Variants in C8A observed in about 807,000 individuals in gnomAD.
C8A encodes complement C8 alpha chain, also known as complement component C8 alpha chain.
In C8A, 67 loss-of-function variants were observed where a neutral mutation model predicts 65.3. The ratio of observed to expected loss-of-function variants is 1.03; its 90% CI spans 0.84 to 1.26. C8A has a LOEUF of 1.26. Among genes scored for constraint, C8A ranks in the 50% most tolerant of loss-of-function variants. The pLI, the probability that C8A is intolerant of heterozygous loss-of-function variation, is 0.00. For missense variants in C8A, 781 were observed against 723.9 expected, an observed-to-expected ratio of 1.08 and a Z score of -0.90; for synonymous variants, 290 against 259.4, an observed-to-expected ratio of 1.12 and a Z score of -1.13.
chr1:56,882,882 G>A (rs1644259163), intron 5 of C8A, among the ~76,000 whole-genome samples: 2 of 152,074 alleles, frequency 1.3e-5, no homozygotes. Context: ...CAGACACTCA[G>A]GGACTCAAGG....
At chr1:56,861,805 A>G (rs1644036404) in intron 1 of C8A, among the ~76,000 whole-genome samples, 1 of 152,206 alleles carries the variant, frequency 6.6e-6, no homozygotes, top group African/African-American at 2.4e-5. Context: ...AATTAGTGAT[A>G]ATCAGATTTT....
intron 2 of C8A, among the ~76,000 whole-genome samples, chr1:56,869,477 A>T (rs1255064727): frequency 6.6e-6 from 1 of 152,158 alleles, no homozygotes; most frequent in African/African-American, 2.4e-5. Flanking sequence ...GCTGCTATAA[A>T]CATGTATTAC....
chr1:56,864,959 G>C (rs1373257519), intron 1 of C8A, among the ~76,000 whole-genome samples: 1 of 152,016 alleles, frequency 6.6e-6, no homozygotes, highest in East Asian at 1.9e-4. Context: ...CTAGGGCCTT[G>C]GTCAAAATCA....
chr1:56,912,601 G>A lies in C8A; in HGVS notation c.1579G>A (p.Ala527Thr), dbSNP rs1413000006. The change falls in exon 10 of 11, where the codon GCC becomes ACC. Residue 527 changes from alanine to threonine, a missense_variant. Ala to Thr is a moderately conservative substitution (Grantham distance 58). Coordinates refer to ENST00000361249, the MANE Select transcript of C8A (RefSeq NM_000562.3). The part of the protein sequence containing the change: ...CQCRLGSLGA[A>T]CEQTQTEGAK... ...GTGCCGCCTGGGTAGCTTGGGTGCTGCCTGTGAGCAAACACAGACAGAAGG... is the reference window on the plus strand; with the variant it reads ...GTGCCGCCTGGGTAGCTTGGGTGCTACCTGTGAGCAAACACAGACAGAAGG... 2 of 1,614,170 alleles carry A rather than the reference G, an allele frequency of 1.2e-6. No individual in the cohort carries two copies. Among genetic ancestry groups the A allele is most frequent in the South Asian group, 2.2e-5 (2 of 91,084 alleles).
At chr1:56,855,703 C>T (rs568700430) in intron 1 of C8A, among the ~76,000 whole-genome samples, 2 of 150,948 alleles carry the variant, frequency 1.3e-5, no homozygotes, top group South Asian at 2.1e-4. Flanking sequence ...ATTTCACCTT[C>T]GGGATAGCTT....
chr1:56,899,908 A>C (rs1191610506), intron 7 of C8A, among the ~76,000 whole-genome samples: 1 of 152,200 alleles, frequency 6.6e-6, no homozygotes, highest in African/African-American at 2.4e-5. Context: ...AGAGAGGTTA[A>C]ACAATTTGCC....
At chr1:56,890,227 A>T (rs1375680667) in intron 7 of C8A, among the ~76,000 whole-genome samples, 1 of 152,078 alleles carries the variant, frequency 6.6e-6, no homozygotes, top group African/African-American at 2.4e-5. Flanking sequence ...CTGTCTTGCC[A>T]ACCTGACAAA....
chr1:56,856,253 C>T (rs1346587685), intron 1 of C8A, among the ~76,000 whole-genome samples: 2 of 152,130 alleles, frequency 1.3e-5, no homozygotes, highest in African/African-American at 4.8e-5. Context: ...CAAATTCTGG[C>T]ACTGACATTC....
intron 1 of C8A, among the ~76,000 whole-genome samples, chr1:56,860,006 G>C (rs1644016505): frequency 6.6e-6 from 1 of 152,154 alleles, no homozygotes; most frequent in African/African-American, 2.4e-5. Flanking sequence ...GAGGCTGCAG[G>C]GAGCCGAGAT....
At chr1:56,863,862 T>TCTCC (rs986953692) in intron 1 of C8A, among the ~76,000 whole-genome samples, 1 of 117,078 alleles carries the variant, frequency 8.5e-6, no homozygotes, top group Non-Finnish European at 1.7e-5. Flanking sequence ...TCCCACCCTC[T>TCTCC]CTCCCTCCCT....
At chr1:56,910,211 G>C (rs1041494712) in intron 9 of C8A, among the ~76,000 whole-genome samples, 7 of 152,316 alleles carry the variant, frequency 4.6e-5, no homozygotes, top group African/African-American at 1.7e-4. Context: ...TAGAGTTTGT[G>C]AATGTAGGAG....
At chr1:56,880,652 C>G (rs747846051) in intron 4 of C8A, among the ~76,000 whole-genome samples, 13 of 152,012 alleles carry the variant, frequency 8.6e-5, no homozygotes, top group Non-Finnish European at 1.5e-4. Context: ...TGAATTGCAT[C>G]CAATATTTCA....
At chr1:56,879,384 C>T (rs1644229278) in intron 4 of C8A, among the ~76,000 whole-genome samples, 1 of 152,190 alleles carries the variant, frequency 6.6e-6, no homozygotes, top group African/African-American at 2.4e-5. Flanking sequence ...CTACACCTTT[C>T]CCTTTTAACT....
chr1:56,917,903 A>C lies in C8A; in HGVS notation c.*187A>C. ...AACTATTCTATTAGTTACAAAACTC[A>C]ATCATTTTATTCAGCAACTGGATGT... On this transcript the variant is annotated 3_prime_UTR_variant, in exon 11 of 11. Transcript: ENST00000361249. 1 of 638,804 alleles carries C rather than the reference A, an allele frequency of 1.6e-6. No homozygotes were observed. The highest frequency in any genetic ancestry group is 2.7e-6 in the Non-Finnish European group (1 of 367,472). The allele number at this position is 638,804 out of a possible 1,614,324, so 39.6% of individuals were successfully genotyped here. A position where few individuals can be genotyped will look rare whatever the true frequency, so the allele number is the denominator to read the frequency against.
At chr1:56,915,295 C>A (rs948493536) in intron 10 of C8A, among the ~76,000 whole-genome samples, 7 of 152,102 alleles carry the variant, frequency 4.6e-5, no homozygotes, top group Non-Finnish European at 2.9e-5. Flanking sequence ...AGCCAATGAC[C>A]TTATGAAGGA....
Position 56,854,840 on chromosome 1 carries a change from A to G in C8A, c.-62A>G. The G allele has an allele frequency of 6.9e-7, 1 of 1,449,898 alleles. No individual in the cohort carries two copies. Among genetic ancestry groups the G allele is most frequent in the Non-Finnish European group, 9.6e-7 (1 of 1,040,888 alleles). The allele number at this position is 1,449,898 out of a possible 1,614,324, so 89.8% of individuals were successfully genotyped here. A position where few individuals can be genotyped will look rare whatever the true frequency, so the allele number is the denominator to read the frequency against. ...CCAGCCTGTAGACATCTTTTACTCC[A>G]ATTTCCTGAATAGATAGCTTTATTC... On this transcript the variant is annotated 5_prime_UTR_variant, in exon 1 of 11. Coordinates refer to ENST00000361249, the MANE Select transcript of C8A (RefSeq NM_000562.3).
chr1:56,867,796 C>T (rs1363133696), intron 2 of C8A, 94 bp downstream of exon 2: 14 of 910,618 alleles, frequency 1.5e-5, no homozygotes, highest in South Asian at 1.5e-4. Flanking sequence ...TGTCTAGGGG[C>T]CTGGGGAGAA....
At chr1:56,894,277 C>T (rs1169997690) in intron 7 of C8A, among the ~76,000 whole-genome samples, 1 of 152,124 alleles carries the variant, frequency 6.6e-6, no homozygotes, top group African/African-American at 2.4e-5. Flanking sequence ...GGAGCCTCAG[C>T]AATCATGCCT....
chr1:56,874,104 C>T (rs975912805), intron 2 of C8A, among the ~76,000 whole-genome samples: 1 of 152,170 alleles, frequency 6.6e-6, no homozygotes, highest in Admixed American at 6.5e-5. Flanking sequence ...GTGCTTTCTG[C>T]ATAATAGGCA....
Sources: gnomAD v4.1 joint callset for allele counts (sites outside exome capture counted in the v4.1 genomes callset) on GRCh38, gnomAD v4.1.1 for gene constraint, MANE v1.5 for transcripts, NCBI Gene and HGNC (gene_info 2026-07-23, HGNC 2026-07-21) for gene names.